DLGAP4: variants seen among roughly 807,000 people sequenced by gnomAD.
The protein encoded by DLGAP4 is disks large-associated protein 4.
A neutral mutation model predicts 86.9 loss-of-function variants in DLGAP4; 18 were observed. That is an observed-to-expected ratio of 0.21 (90% CI 0.14 to 0.31). The LOEUF (loss-of-function observed/expected upper bound fraction) is 0.31, where lower values mean the gene tolerates loss of function less well. DLGAP4 is among the 10% of genes least tolerant of loss of function. DLGAP4 has a pLI of 1.00. For missense variants in DLGAP4, 1,085 were observed against 1,362.6 expected, an observed-to-expected ratio of 0.80 and a Z score of 3.21; for synonymous variants, 548 against 574.3, an observed-to-expected ratio of 0.95 and a Z score of 0.65.
intron 8 of DLGAP4, chr20:36,499,125 C>G: frequency 1.9e-6 from 2 of 1,063,768 alleles, no homozygotes; most frequent in Non-Finnish European, 1.4e-6. Context: ...TGATCTTTGC[C>G]TCAAGACAGC....
At position 36,490,334 on chromosome 20, in the gene DLGAP4, A is replaced by C. The variant is rs530036968; in HGVS notation, c.1649-6371A>C. Among the ~76,000 whole-genome samples the C allele has an allele frequency of 2.0e-5, 3 of 152,250 alleles. No individual in the cohort carries two copies. The South Asian group carries it at 6.2e-4, about 32-fold the overall frequency. ...CAGCTGCTTCTGCCTTGGGAGAAAGAAGCAGAGGAAAGGAGGGAAGGATTT... is the reference window on the plus strand; with the variant it reads ...CAGCTGCTTCTGCCTTGGGAGAAAGCAGCAGAGGAAAGGAGGGAAGGATTT... On this transcript the variant is annotated intron_variant, in intron 7 of 12. Coordinates refer to ENST00000339266, the MANE Select transcript of DLGAP4 (RefSeq NM_001365621.2).
At chr20:36,323,475 AATATGTC>A (rs1317915056) in intron 1 of DLGAP4, among the ~76,000 whole-genome samples, 1 of 152,194 alleles carries the variant, frequency 6.6e-6, no homozygotes, top group African/African-American at 2.4e-5. Context: ...CCACTTAGCG[AATATGTC>A]ATACGTTATC....
chr20:36,315,601 A>G (rs2065091757), intron 1 of DLGAP4, among the ~76,000 whole-genome samples: 1 of 152,090 alleles, frequency 6.6e-6, no homozygotes, highest in African/African-American at 2.4e-5. Context: ...GCCAGTGGCC[A>G]TCACTGAGTC....
intron 10 of DLGAP4, among the ~76,000 whole-genome samples, chr20:36,519,409 G>A (rs1379072984): frequency 6.6e-6 from 1 of 152,068 alleles, no homozygotes; most frequent in East Asian, 1.9e-4. Flanking sequence ...TTTTATATGA[G>A]GTTTAGAGTT....
chr20:36,387,274 T>C (rs865906996), intron 2 of DLGAP4, among the ~76,000 whole-genome samples: 33 of 152,200 alleles, frequency 2.2e-4, no homozygotes, highest in Non-Finnish European at 4.4e-5. Flanking sequence ...AGAAGCTGAG[T>C]GTCTCATGAT....
chr20:36,512,083 C>T (rs1196961273), intron 10 of DLGAP4, among the ~76,000 whole-genome samples: 10 of 129,702 alleles, frequency 7.7e-5, no homozygotes, highest in Non-Finnish European at 3.1e-5. Context: ...GAGAGTCTTG[C>T]TCTGTTGCCC....
intron 2 of DLGAP4, among the ~76,000 whole-genome samples, chr20:36,424,212 T>C (rs1041815651): frequency 6.6e-5 from 10 of 152,140 alleles, no homozygotes; most frequent in Non-Finnish European, 1.2e-4. Flanking sequence ...TGAACCTCAA[T>C]ACAGCACAAC....
At chr20:36,354,096 G>C (rs568206693) in intron 1 of DLGAP4, among the ~76,000 whole-genome samples, 7 of 152,172 alleles carry the variant, frequency 4.6e-5, no homozygotes, top group African/African-American at 1.7e-4. Flanking sequence ...TGTGCCGGCC[G>C]GCCTCCCGCC....
At chr20:36,469,284 C>T (rs1412464125) in intron 7 of DLGAP4, among the ~76,000 whole-genome samples, 1 of 152,130 alleles carries the variant, frequency 6.6e-6, no homozygotes, top group Non-Finnish European at 1.5e-5. Context: ...ACACCGAGAT[C>T]TAGCCAGGAT....
chr20:36,520,823 T>G (rs1480688290), intron 10 of DLGAP4, among the ~76,000 whole-genome samples: 2 of 150,556 alleles, frequency 1.3e-5, no homozygotes, highest in Admixed American at 6.6e-5. Flanking sequence ...TTTGGTCTTA[T>G]GTTTTCATCT....
At chr20:36,459,292 C>A (rs915471054) in intron 7 of DLGAP4, among the ~76,000 whole-genome samples, 2 of 152,190 alleles carry the variant, frequency 1.3e-5, no homozygotes, top group Non-Finnish European at 2.9e-5. Flanking sequence ...TTAAAATCTC[C>A]TAGCCCAAGG....
intron 12 of DLGAP4, 141 bp from the exon 13 acceptor site, chr20:36,526,672 G>T: frequency 1.3e-6 from 1 of 762,726 alleles, no homozygotes. Flanking sequence ...GTGGCTTCCT[G>T]ATTCCAAGTG....
intron 1 of DLGAP4, among the ~76,000 whole-genome samples, chr20:36,342,317 G>A (rs1002038640): frequency 9.9e-5 from 15 of 152,226 alleles, no homozygotes; most frequent in African/African-American, 3.4e-4. Context: ...CTCCAGAAGG[G>A]ATAACGGGAG....
intron 1 of DLGAP4, among the ~76,000 whole-genome samples, chr20:36,326,061 A>G (rs1345679060): frequency 6.6e-6 from 1 of 152,140 alleles, no homozygotes; most frequent in Non-Finnish European, 1.5e-5. Context: ...TCAAGATTTT[A>G]AAATTGGTGT....
At chr20:36,318,616 C>T (rs2065135057) in intron 1 of DLGAP4, among the ~76,000 whole-genome samples, 1 of 152,136 alleles carries the variant, frequency 6.6e-6, no homozygotes, top group Non-Finnish European at 1.5e-5. Flanking sequence ...TCAAGTGATC[C>T]TCCCACCTCA....
intron 2 of DLGAP4, among the ~76,000 whole-genome samples, chr20:36,386,554 AC>A (rs2031605670): frequency 6.6e-6 from 1 of 152,176 alleles, no homozygotes. Flanking sequence ...ACAAACCCAA[AC>A]CCAGGGGTGT....
At chr20:36,397,994 G>A (rs953135456) in intron 2 of DLGAP4, among the ~76,000 whole-genome samples, 13 of 152,128 alleles carry the variant, frequency 8.5e-5, no homozygotes, top group Non-Finnish European at 8.8e-5. Flanking sequence ...GGTGGCGGGC[G>A]CCTGTAATCC....
At chr20:36,468,630 C>G (rs1407432209) in intron 7 of DLGAP4, among the ~76,000 whole-genome samples, 1 of 152,280 alleles carries the variant, frequency 6.6e-6, no homozygotes, top group Non-Finnish European at 1.5e-5. Flanking sequence ...CCTCACCCTG[C>G]TGGTCCCTTG....
chr20:36,430,161 G>T (rs1332096563), intron 2 of DLGAP4, among the ~76,000 whole-genome samples: 1 of 152,230 alleles, frequency 6.6e-6, no homozygotes, highest in East Asian at 1.9e-4. Flanking sequence ...TTTCCAGGAT[G>T]TTCCCATTTT....
Sources: allele counts gnomAD v4.1 joint callset (sites outside exome capture counted in the v4.1 genomes callset), GRCh38; gene constraint gnomAD v4.1.1; transcripts MANE v1.5; gene names NCBI Gene and HGNC (gene_info 2026-07-23, HGNC 2026-07-21).